Variants in STKLD1 observed in about 807,000 individuals in gnomAD.
STKLD1 encodes serine/threonine kinase like domain containing 1.
STKLD1 carries 79 observed loss-of-function variants against 80.4 expected under a neutral mutation model. The ratio of observed to expected loss-of-function variants is 0.98; its 90% CI spans 0.82 to 1.19. The LOEUF is 1.19. Ranked by LOEUF, STKLD1 falls within the 50% of genes most tolerant of loss-of-function variation. STKLD1 has a pLI of 0.00. For missense variants in STKLD1, 841 were observed against 856.0 expected (o/e 0.98, Z 0.22); for synonymous variants, 393 against 357.6 (o/e 1.10, Z -1.12).
Position 133,379,032 on chromosome 9 carries a change from A to G in STKLD1, c.88-4A>G, listed in dbSNP as rs2130259336. On this transcript the variant is annotated splice_region_variant and splice_polypyrimidine_tract_variant and intron_variant, in intron 1 of 17. Transcript: ENST00000371957. Reference sequence around the variant, plus strand: ...CTGAAAGCTTCTCTCTTCCTTGCTGATAGGTTTTGTACCAGCTGAATCCTG... The same window carrying G: ...CTGAAAGCTTCTCTCTTCCTTGCTGGTAGGTTTTGTACCAGCTGAATCCTG... 0.088 allele frequency: 142,135 copies of G among 1,610,730 alleles called. 7,703 individuals are homozygous for G. Among genetic ancestry groups the G allele is most frequent in the African/African-American group, 0.24 (17,845 of 74,744 alleles).
chr9:133,383,332 ATGGTGATGGTGATGATGGTAAT>A (rs1838190892), intron 2 of STKLD1, among the ~76,000 whole-genome samples: 2 of 1,822 alleles, frequency 1.1e-3, no homozygotes, highest in Non-Finnish European at 1.4e-3. Flanking sequence ...GATGGTGGTG[ATGGTGATGGTGATGATGGTAAT>A]GATGGTGATG....
At chr9:133,387,571 G>A in intron 5 of STKLD1, 23 bp downstream of exon 5, 1 of 1,592,402 alleles carries the variant, frequency 6.3e-7, no homozygotes, top group Non-Finnish European at 8.6e-7. Context: ...GGGGCACCAG[G>A]CCTGGGGGCC....
chr9:133,396,399 C>T (rs939789768), intron 9 of STKLD1, among the ~76,000 whole-genome samples: 2 of 152,134 alleles, frequency 1.3e-5, no homozygotes, highest in Admixed American at 6.5e-5. Context: ...GATCTCGCCA[C>T]TGCACTTCAG....
At chr9:133,376,655 G>A in intron 1 of STKLD1, 95 bp downstream of exon 1, 22 of 1,153,616 alleles carry the variant, frequency 1.9e-5, no homozygotes, top group Non-Finnish European at 2.5e-5. Flanking sequence ...GGGCGGCGAG[G>A]GGCCCGCGCC....
chr9:133,388,697 T>C, intron 5 of STKLD1: 1 of 957,970 alleles, frequency 1.0e-6, no homozygotes, highest in Non-Finnish European at 1.2e-6. Context: ...CTCTGTCTTA[T>C]GGAAGCTTGG....
intron 9 of STKLD1, 146 bp from the exon 10 acceptor site, chr9:133,397,018 C>G: frequency 3.3e-6 from 4 of 1,208,160 alleles, no homozygotes; most frequent in Non-Finnish European, 2.3e-6. Context: ...TATGAGAGAC[C>G]CTGCCAAATG....
chr9:133,379,842 C>T (rs587694626), intron 2 of STKLD1, among the ~76,000 whole-genome samples: 1 of 152,232 alleles, frequency 6.6e-6, no homozygotes, highest in African/African-American at 2.4e-5. Context: ...GCTGGCCATA[C>T]AGCGGGAGGA....
intron 2 of STKLD1, among the ~76,000 whole-genome samples, chr9:133,381,450 C>CTTT (rs1248786226): frequency 2.2e-5 from 2 of 91,150 alleles, no homozygotes; most frequent in Admixed American, 1.2e-4. Flanking sequence ...CACCCAGCCG[C>CTTT]TTTTTTTTTT....
chr9:133,403,023 C>G lies in STKLD1; in HGVS notation c.1474+11C>G. On this transcript the variant is annotated intron_variant, in intron 14 of 17. Coordinates refer to ENST00000371957, the MANE Select transcript of STKLD1 (RefSeq NM_153710.5). The stretch of plus-strand genomic sequence containing the variant: ...CCCTCCTGCTGGACGGTGAGGGGCC[C>G]TCCTCCTGCTGTCCCACCGGGGCTG... 6.4e-7 allele frequency: 1 copy of G among 1,557,196 alleles called. No homozygotes were observed. The highest frequency in any genetic ancestry group is 8.7e-7 in the Non-Finnish European group (1 of 1,150,304).
In STKLD1 at chr9:133,387,408, C is replaced by G. The variant is rs1191445943; in HGVS notation, c.295-39C>G. 1.9e-6 allele frequency: 3 copies of G among 1,562,180 alleles called. No homozygotes were observed. In the South Asian group the frequency reaches 3.3e-5, roughly 17 times the overall value. ...AGGTGAGCCTGCAGAAGCACCGGGG[C>G]CTGGGCGTCCTTTGGCTAAGGGCCT... On this transcript the variant is annotated intron_variant, in intron 4 of 17. Coordinates refer to ENST00000371957, the MANE Select transcript of STKLD1 (RefSeq NM_153710.5).
At chr9:133,397,933 C>T (rs782582708) in intron 10 of STKLD1, 39 bp from the exon 11 acceptor site, 1 of 1,574,092 alleles carries the variant, frequency 6.4e-7, no homozygotes, top group Admixed American at 1.7e-5. Context: ...AGGCCCTGGT[C>T]CTCAGAAAGG....
At position 133,383,896 on chromosome 9, in the gene STKLD1, A is replaced by G. The variant is rs1838208280; in HGVS notation, c.215A>G (p.Glu72Gly). Residue 72 changes from glutamate (E) to glycine (G), a missense_variant, in exon 3 of 18, where the codon GAG becomes GGG. By Grantham distance (98) the Glu-to-Gly change is moderately conservative. Transcript: ENST00000371957. ...MDDHYASQAL[E>G]ELMPLLKLRH... ...GACCATTACGCCAGTCAGGCCCTGG[A>G]GGAGGTAACTCTCAGGGTAGTTTTC... 2 of 1,613,936 alleles carry G rather than the reference A, an allele frequency of 1.2e-6. No individual in the cohort carries two copies. Among genetic ancestry groups the G allele is most frequent in the East Asian group, 4.5e-5 (2 of 44,872 alleles).
intron 17 of STKLD1, 26 bp downstream of exon 17, chr9:133,404,955 TCCCTAGAG>T: frequency 6.2e-7 from 1 of 1,609,414 alleles, no homozygotes; most frequent in Non-Finnish European, 8.5e-7. Context: ...CACCTCACAC[TCCCTAGAG>T]CCCAGCGGTC....
Position 133,384,142 on chromosome 9 carries a change from A to G in STKLD1, c.219+242A>G, listed in dbSNP as rs1198950677. On this transcript the variant is annotated intron_variant, in intron 3 of 17. Transcript: ENST00000371957. This position sits in a 1 kb window ranked among gnomAD's most constrained non-coding sequence, Gnocchi z 4.3. The stretch of plus-strand genomic sequence containing the variant: ...TAGAACATATGTTCCCAGAGAACAT[A>G]AAATTTAAATATTGGGCTGGGCACG... 4 of 532,576 alleles carry G rather than the reference A, an allele frequency of 7.5e-6. No homozygotes were observed. The highest frequency in any genetic ancestry group is 3.2e-5 in the East Asian group (1 of 31,328). 33.0% of individuals were successfully genotyped at this position (532,576 alleles called of 1,614,324 possible). A position where few individuals can be genotyped will look rare whatever the true frequency, so the allele number is the denominator to read the frequency against.
rs782740752 is a variant in STKLD1 at position 133,394,453 on chromosome 9, C to T, written c.702+44C>T. 35 of 1,413,910 alleles carry T rather than the reference C, an allele frequency of 2.5e-5. No homozygotes were observed. Among genetic ancestry groups the T allele is most frequent in the African/African-American group, 4.2e-5 (3 of 70,668 alleles). The allele number at this position is 1,413,910 out of a possible 1,614,324, so 87.6% of individuals were successfully genotyped here. A position where few individuals can be genotyped will look rare whatever the true frequency, so the allele number is the denominator to read the frequency against. ...CCCACACCCCACATGCTGTTCCCCA[C>T]GCGCCCAGGCCTGGGGAAAAGGCTT... On this transcript the variant is annotated intron_variant, in intron 8 of 17. Coordinates refer to ENST00000371957, the MANE Select transcript of STKLD1 (RefSeq NM_153710.5). The surrounding 1 kb of genome is among the most constrained non-coding windows in gnomAD (Gnocchi z 4.9).
chr9:133,402,962 G>A lies in STKLD1; in HGVS notation c.1424G>A (p.Arg475Lys). The A allele has an allele frequency of 6.3e-7, 1 of 1,580,456 alleles. No individual in the cohort carries two copies. The highest frequency in any genetic ancestry group is 8.6e-7 in the Non-Finnish European group (1 of 1,163,332). Residue 475 changes from arginine (R) to lysine (K), a missense_variant, in exon 14 of 18, where the codon AGG becomes AAG. By Grantham distance (26) the Arg-to-Lys change is conservative. Transcript: ENST00000371957. The stretch of plus-strand genomic sequence containing the variant: ...CACCTCAACAGCTCCCTCGAAAGCA[G>A]GGACGTCTGCGCCAGCGGCCTGGGC... ...LEHLNSSLES[R>K]DVCASGLGLL...
In STKLD1 at chr9:133,395,581, CTGT is replaced by C; in HGVS notation, c.703-18_703-16del. ...CATTTACTTAAGGGAATACACAGAGCTGTCCTCTCTCCGTGCAGGGCACAGAAG... is the reference window on the plus strand; with the variant it reads ...CATTTACTTAAGGGAATACACAGAGCCCTCTCTCCGTGCAGGGCACAGAAG... On this transcript the variant is annotated splice_polypyrimidine_tract_variant and intron_variant, in intron 8 of 17. Transcript: ENST00000371957. 1 of 1,611,678 alleles carries C rather than the reference CTGT, an allele frequency of 6.2e-7. No homozygotes were observed. The highest frequency in any genetic ancestry group is 8.5e-7 in the Non-Finnish European group (1 of 1,179,346).
intron 2 of STKLD1, among the ~76,000 whole-genome samples, chr9:133,380,405 G>C (rs906588457): frequency 6.6e-6 from 1 of 151,986 alleles, no homozygotes; most frequent in African/African-American, 2.4e-5. Flanking sequence ...TGTAATCGCA[G>C]CATTTTGGGA....
chr9:133,387,562 G>T lies in STKLD1; in HGVS notation c.396+14G>T, dbSNP rs1388843365. The T allele has an allele frequency of 3.7e-6, 6 of 1,608,840 alleles. No individual in the cohort carries two copies. Among genetic ancestry groups the T allele is most frequent in the South Asian group, 1.1e-5 (1 of 90,980 alleles). Reference sequence around the variant, plus strand: ...ATTGACTCTGAGGTGAGGTCCTTTGGGGCACCAGGCCTGGGGGCCACCTAG... The same window carrying T: ...ATTGACTCTGAGGTGAGGTCCTTTGTGGCACCAGGCCTGGGGGCCACCTAG... On this transcript the variant is annotated intron_variant, in intron 5 of 17. Coordinates refer to ENST00000371957, the MANE Select transcript of STKLD1 (RefSeq NM_153710.5).
Sources: allele counts gnomAD v4.1 joint callset (sites outside exome capture counted in the v4.1 genomes callset), GRCh38; gene constraint gnomAD v4.1.1; non-coding constraint Gnocchi (gnomAD v3.1); transcripts MANE v1.5; gene names NCBI Gene and HGNC (gene_info 2026-07-23, HGNC 2026-07-21).